APP: variants seen among roughly 807,000 people sequenced by gnomAD.
APP encodes amyloid-beta precursor protein.
APP carries 31 observed loss-of-function variants against 101.4 expected under a neutral mutation model. That is an observed-to-expected ratio of 0.31 (90% CI 0.23 to 0.41). The LOEUF (loss-of-function observed/expected upper bound fraction) is 0.41. APP is among the 10% of genes least tolerant of loss of function. The probability of loss-of-function intolerance (pLI) is 1.00; values close to 1 mark genes in which losing one functional copy is unlikely to be tolerated. For missense variants in APP, 839 were observed against 1,003.7 expected, an observed-to-expected ratio of 0.84 and a Z score of 2.22; for synonymous variants, 366 against 364.4, an observed-to-expected ratio of 1.00 and a Z score of -0.05.
intron 3 of APP, among the ~76,000 whole-genome samples, chr21:26,062,221 A>AC: frequency 1.1e-5 from 1 of 93,382 alleles, no homozygotes; most frequent in African/African-American, 3.5e-5. Flanking sequence ...AAAAACAAAC[A>AC]AACAAACAAA....
chr21:26,157,797 T>C (rs1011290329), intron 1 of APP, among the ~76,000 whole-genome samples: 1 of 152,228 alleles, frequency 6.6e-6, no homozygotes, highest in Non-Finnish European at 1.5e-5. Context: ...GATCTTCCCA[T>C]TCTGTTTCAA....
At chr21:26,079,028 G>C (rs2061546256) in intron 3 of APP, among the ~76,000 whole-genome samples, 1 of 126,022 alleles carries the variant, frequency 7.9e-6, no homozygotes, top group Non-Finnish European at 1.6e-5. Context: ...GGGCAACAAA[G>C]AGTGAAACTC....
At chr21:26,139,133 G>C (rs966301543) in intron 1 of APP, among the ~76,000 whole-genome samples, 1 of 152,024 alleles carries the variant, frequency 6.6e-6, no homozygotes. Context: ...GCAACATTAC[G>C]TAAGGGATGA....
chr21:26,149,383 T>A (rs932504462), intron 1 of APP, among the ~76,000 whole-genome samples: 1 of 152,256 alleles, frequency 6.6e-6, no homozygotes, highest in African/African-American at 2.4e-5. Flanking sequence ...CAACAAGGCC[T>A]GGTTCATAGA....
At position 26,089,971 on chromosome 21, in the gene APP, G is replaced by T. The variant is rs748106962; in HGVS notation, c.327C>A (p.Pro109=). 1 of 1,614,058 alleles carries T rather than the reference G, an allele frequency of 6.2e-7. No homozygotes were observed. Among genetic ancestry groups the T allele is most frequent in the Admixed American group, 1.7e-5 (1 of 60,000 alleles). ...AGCAGCGGTAGGGAATCACAAAGTG[G>T]GGATGGGTCTTGCACTGCTTGCGGC... ...KRGRKQCKTH[P]HFVIPYRCLV... is the part of the protein sequence containing the mutation. The change falls in exon 3 of 18, where the codon CCC becomes CCA. Residue 109 remains proline (P), a synonymous_variant. Transcript: ENST00000346798.
At chr21:26,083,752 A>G (rs1464246824) in intron 3 of APP, among the ~76,000 whole-genome samples, 1 of 152,204 alleles carries the variant, frequency 6.6e-6, no homozygotes, top group Non-Finnish European at 1.5e-5. Flanking sequence ...ACAGAGATAG[A>G]TAAATTCTGT....
intron 13 of APP, among the ~76,000 whole-genome samples, chr21:25,940,059 C>G (rs1327008650): frequency 6.6e-6 from 1 of 152,062 alleles, no homozygotes; most frequent in African/African-American, 2.4e-5. Flanking sequence ...ACCATTTCCA[C>G]CCAAGTTTCT....
intron 1 of APP, among the ~76,000 whole-genome samples, chr21:26,150,638 C>G (rs369546118): frequency 1.3e-5 from 1 of 79,284 alleles, no homozygotes; most frequent in African/African-American, 7.4e-5. Context: ...GACAGACAGA[C>G]AGACAGATTG....
chr21:25,987,952 T>G (rs1177420592), intron 8 of APP, among the ~76,000 whole-genome samples: 1 of 152,272 alleles, frequency 6.6e-6, no homozygotes, highest in African/African-American at 2.4e-5. Flanking sequence ...GTAAGTCATA[T>G]TGTTAATATG....
At chr21:26,136,973 C>T (rs2062933188) in intron 1 of APP, among the ~76,000 whole-genome samples, 1 of 152,086 alleles carries the variant, frequency 6.6e-6, no homozygotes, top group African/African-American at 2.4e-5. Flanking sequence ...GCTCACTGCA[C>T]CTATGCCTCC....
intron 3 of APP, among the ~76,000 whole-genome samples, chr21:26,077,614 C>T (rs1250168644): frequency 6.6e-6 from 1 of 152,044 alleles, no homozygotes; most frequent in Admixed American, 6.5e-5. Context: ...GGTAATGCAT[C>T]AATGCCATTT....
In APP at chr21:26,053,354, A is replaced by G; in HGVS notation, c.356-6T>C. ...ATCACTTACAAACTCACCAACTGAAAGAAAGGAAAACCACTTCCCGTCATT... is the reference window on the plus strand; with the variant it reads ...ATCACTTACAAACTCACCAACTGAAGGAAAGGAAAACCACTTCCCGTCATT... On this transcript the variant is annotated splice_polypyrimidine_tract_variant and splice_region_variant and intron_variant, in intron 3 of 17. Transcript: ENST00000346798. 1 of 1,587,670 alleles carries G rather than the reference A, an allele frequency of 6.3e-7. No homozygotes were observed. The highest frequency in any genetic ancestry group is 1.1e-5 in the South Asian group (1 of 90,502).
chr21:26,085,490 T>C (rs2061685780), intron 3 of APP, among the ~76,000 whole-genome samples: 2 of 152,150 alleles, frequency 1.3e-5, no homozygotes, highest in African/African-American at 2.4e-5. Context: ...GGAGGCGCCA[T>C]GGGCACCAAT....
chr21:25,900,934 C>T (rs1190742511), intron 15 of APP, among the ~76,000 whole-genome samples: 2 of 320 alleles, frequency 6.3e-3, no homozygotes, highest in Non-Finnish European at 0.071. Flanking sequence ...TTGCAGTGAG[C>T]CGAGATTCGT....
intron 17 of APP, among the ~76,000 whole-genome samples, chr21:25,891,187 T>C (rs976372203): frequency 6.6e-6 from 1 of 152,204 alleles, no homozygotes; most frequent in Non-Finnish European, 1.5e-5. Context: ...CATGTATGTT[T>C]TGGTGGGCCA....
rs35031616 is a variant in APP at position 26,013,482 on chromosome 21, CTT to C, written c.865+8356_865+8357del. On this transcript the variant is annotated intron_variant, in intron 6 of 17. Coordinates refer to ENST00000346798, the MANE Select transcript of APP (RefSeq NM_000484.4). ...TTATTGTGCCTGAGGCATCTGCACA[CTT>C]TTTTTTTTTTAAAGCAACTGATTTG... Among the ~76,000 whole-genome samples the C allele has an allele frequency of 5.4e-5, 8 of 147,794 alleles. No individual in the cohort carries two copies. In the East Asian group the frequency reaches 1.6e-3, roughly 29 times the overall value.
At chr21:26,053,971 G>T (rs1234590558) in intron 3 of APP, among the ~76,000 whole-genome samples, 1 of 152,140 alleles carries the variant, frequency 6.6e-6, no homozygotes, top group African/African-American at 2.4e-5. Context: ...TGGTATTGAA[G>T]ATATAAAGAT....
chr21:26,001,002 T>C (rs986803568), intron 6 of APP, among the ~76,000 whole-genome samples: 10 of 152,066 alleles, frequency 6.6e-5, no homozygotes, highest in Non-Finnish European at 1.0e-4. Context: ...TAAGTACAAC[T>C]ATAACAATGT....
intron 16 of APP, 65 bp from the exon 17 acceptor site, chr21:25,891,933 C>T (rs559574618): frequency 8.3e-5 from 123 of 1,487,252 alleles, no homozygotes; most frequent in Admixed American, 4.3e-4. Context: ...AATTTATAAA[C>T]GCAATTAGAA....
Sources: gnomAD v4.1 joint callset for allele counts (sites outside exome capture counted in the v4.1 genomes callset) on GRCh38, gnomAD v4.1.1 for gene constraint, MANE v1.5 for transcripts, NCBI Gene and HGNC (gene_info 2026-07-23, HGNC 2026-07-21) for gene names.